The following SFSWAP variants were observed in gnomAD, a reference collection of about 807,000 sequenced individuals.
SFSWAP encodes the protein splicing factor SWAP, also known as splicing factor, suppressor of white-apricot homolog.
SFSWAP carries 17 observed loss-of-function variants against 100.7 expected under a neutral mutation model. The ratio of observed to expected loss-of-function variants is 0.17; its 90% CI spans 0.12 to 0.25. The LOEUF (loss-of-function observed/expected upper bound fraction) is 0.25, where lower values mean the gene tolerates loss of function less well. Among genes scored for constraint, SFSWAP ranks in the 10% least tolerant of loss-of-function variants. The pLI, the probability that SFSWAP is intolerant of heterozygous loss-of-function variation, is 1.00. For synonymous variants in SFSWAP, 504 were observed against 510.1 expected (o/e 0.99, Z 0.16); for missense variants, 1,005 against 1,262.6 (o/e 0.80, Z 3.09).
At position 131,796,984 on chromosome 12, in the gene SFSWAP, TG is replaced by T. The variant is rs1416354462; in HGVS notation, c.2535-190del. On this transcript the variant is annotated intron_variant, in intron 15 of 17. Coordinates refer to ENST00000261674, the MANE Select transcript of SFSWAP (RefSeq NM_004592.4). ...CAAATATTTTACTTGAGGTCCTAAA[TG>T]GGGACGCGTCATCTGTTATCAGTTA... 4 of 541,038 alleles carry T rather than the reference TG, an allele frequency of 7.4e-6. No homozygotes were observed. The East Asian group carries it at 1.2e-4, about 16-fold the overall frequency. The allele number at this position is 541,038 out of a possible 1,614,324, so 33.5% of individuals were successfully genotyped here.
At chr12:131,737,360 C>G (rs1195191682) in intron 7 of SFSWAP, among the ~76,000 whole-genome samples, 1 of 152,230 alleles carries the variant, frequency 6.6e-6, no homozygotes, top group African/African-American at 2.4e-5. Flanking sequence ...GACGAGGTCG[C>G]AGACAGGAGT....
At chr12:131,743,376 G>A (rs575163529) in intron 7 of SFSWAP, among the ~76,000 whole-genome samples, 1 of 152,238 alleles carries the variant, frequency 6.6e-6, no homozygotes, top group East Asian at 1.9e-4. Flanking sequence ...CAGGCATTGG[G>A]TAAATACAAC....
chr12:131,715,389 G>A (rs182204765), intron 3 of SFSWAP, among the ~76,000 whole-genome samples: 5 of 152,292 alleles, frequency 3.3e-5, no homozygotes, highest in Non-Finnish European at 4.4e-5. Flanking sequence ...ACACAGTGAG[G>A]GAGTTTCTAC....
intron 15 of SFSWAP, among the ~76,000 whole-genome samples, chr12:131,787,754 G>C (rs1457588480): frequency 1.3e-5 from 2 of 152,202 alleles, no homozygotes; most frequent in African/African-American, 4.8e-5. Flanking sequence ...CTAGCCACAA[G>C]GCACACACTA....
rs545588205 is a variant in SFSWAP, at chr12:131,778,678, T to A, written c.2408+348T>A. Among the ~76,000 whole-genome samples, 4 of 152,012 alleles carry A rather than the reference T, an allele frequency of 2.6e-5. No individual in the cohort carries two copies. Among genetic ancestry groups the A allele is most frequent in the African/African-American group, 9.7e-5 (4 of 41,384 alleles). ...GATTACAGGTGCCCACCACCACGCC[T>A]GGCTAATTTTTGTATTTTTAGTAGA... On this transcript the variant is annotated intron_variant, in intron 14 of 17. Coordinates refer to ENST00000261674, the MANE Select transcript of SFSWAP (RefSeq NM_004592.4). The surrounding 1 kb of genome is among the most constrained non-coding windows in gnomAD (Gnocchi z 4.2).
chr12:131,768,979 T>G (rs1333136586), intron 13 of SFSWAP, among the ~76,000 whole-genome samples: 8 of 151,892 alleles, frequency 5.3e-5, no homozygotes, highest in Admixed American at 5.2e-4. Flanking sequence ...TACAAAAAAT[T>G]AGCCGAGCGT....
chr12:131,729,262 G>A (rs1251934165), intron 7 of SFSWAP, among the ~76,000 whole-genome samples: 8 of 152,166 alleles, frequency 5.3e-5, no homozygotes, highest in African/African-American at 1.9e-4. Context: ...CCAACACTTT[G>A]GGAGGCTGAG....
intron 7 of SFSWAP, among the ~76,000 whole-genome samples, chr12:131,738,323 C>G (rs1880238206): frequency 6.6e-6 from 1 of 152,138 alleles, no homozygotes; most frequent in South Asian, 2.1e-4. Flanking sequence ...ATTCCACCAT[C>G]CAGAAATAGC....
intron 9 of SFSWAP, 81 bp downstream of exon 9, chr12:131,754,580 G>C: frequency 1.5e-6 from 1 of 657,146 alleles, no homozygotes; most frequent in African/African-American, 2.0e-5. Context: ...TGTAGGTACA[G>C]AATTAATTTT....
intron 7 of SFSWAP, among the ~76,000 whole-genome samples, chr12:131,740,975 T>C (rs1217808364): frequency 1.1e-4 from 14 of 132,718 alleles, no homozygotes; most frequent in African/African-American, 2.8e-4. Flanking sequence ...TCTTTTTTTT[T>C]TTTTTTTTTT....
At chr12:131,772,202 A>G (rs772427320) in intron 13 of SFSWAP, among the ~76,000 whole-genome samples, 20 of 152,334 alleles carry the variant, frequency 1.3e-4, no homozygotes, top group Non-Finnish European at 2.1e-4. Context: ...TAAGTCATAC[A>G]TCTTTTCCCC....
intron 14 of SFSWAP, among the ~76,000 whole-genome samples, chr12:131,779,262 A>AGG (rs1884297203): frequency 6.8e-6 from 1 of 148,126 alleles, no homozygotes. Flanking sequence ...GGCGCGGGTG[A>AGG]GTGTGTGTGA....
chr12:131,775,297 T>C (rs562023374), intron 13 of SFSWAP, among the ~76,000 whole-genome samples: 32 of 151,752 alleles, frequency 2.1e-4, no homozygotes, highest in African/African-American at 7.3e-4. Flanking sequence ...TCTCTTCAGC[T>C]CTCTCTTTGT....
chr12:131,750,082 C>A (rs1881484243), intron 7 of SFSWAP, among the ~76,000 whole-genome samples: 1 of 152,234 alleles, frequency 6.6e-6, no homozygotes, highest in Non-Finnish European at 1.5e-5. Context: ...GAGGCTGGCC[C>A]TGGGCTGCTC....
intron 8 of SFSWAP, among the ~76,000 whole-genome samples, chr12:131,753,914 G>A (rs542316604): frequency 6.6e-6 from 1 of 152,150 alleles, no homozygotes; most frequent in Non-Finnish European, 1.5e-5. Context: ...GGCCTGGAAT[G>A]CCCTGCCTTG....
chr12:131,718,647 A>G (rs1044083301), intron 3 of SFSWAP, among the ~76,000 whole-genome samples: 5 of 152,252 alleles, frequency 3.3e-5, no homozygotes, highest in Non-Finnish European at 5.9e-5. Flanking sequence ...CAGGTGGTTT[A>G]CAATTCAAAG....
chr12:131,747,729 A>C (rs2136216903), intron 7 of SFSWAP, among the ~76,000 whole-genome samples: 1 of 152,286 alleles, frequency 6.6e-6, no homozygotes, highest in African/African-American at 2.4e-5. Context: ...CACCTCCTGC[A>C]TTGGGGGACT....
Position 131,719,442 on chromosome 12 carries a change from C to A in SFSWAP, c.521-12C>A. 6.2e-7 allele frequency: 1 copy of A among 1,611,348 alleles called. No homozygotes were observed. Among genetic ancestry groups the A allele is most frequent in the Non-Finnish European group, 8.5e-7 (1 of 1,177,630 alleles). On this transcript the variant is annotated splice_polypyrimidine_tract_variant and intron_variant, in intron 3 of 17. Transcript: ENST00000261674. ...GCATTGTTCTGAATTTTTTAATTTT[C>A]TTTTTATGCAGAAAAAAATGAGGCC...
chr12:131,782,601 G>A (rs924313716), intron 14 of SFSWAP, among the ~76,000 whole-genome samples: 54 of 152,240 alleles, frequency 3.5e-4, no homozygotes, highest in African/African-American at 1.3e-3. Context: ...TAATTGGGTA[G>A]GATGCTACAT....
Sources: allele counts gnomAD v4.1 joint callset (sites outside exome capture counted in the v4.1 genomes callset), GRCh38; gene constraint gnomAD v4.1.1; non-coding constraint Gnocchi (gnomAD v3.1); transcripts MANE v1.5; gene names NCBI Gene and HGNC (gene_info 2026-07-23, HGNC 2026-07-21).